Variants in GLRB observed in about 807,000 individuals in gnomAD.
GLRB encodes the protein glycine receptor subunit beta.
In GLRB, 33 loss-of-function variants were observed where a neutral mutation model predicts 54.2. The observed-to-expected ratio is 0.61, with a 90% confidence interval of 0.46 to 0.81. The LOEUF (loss-of-function observed/expected upper bound fraction) is 0.81, where lower values mean the gene tolerates loss of function less well. Among genes scored for constraint, GLRB ranks in the 40% least tolerant of loss-of-function variants. GLRB has a pLI of 0.00. For synonymous variants in GLRB, 209 were observed against 208.2 expected (o/e 1.00, Z -0.03); for missense variants, 572 against 584.6 (o/e 0.98, Z 0.22).
intron 7 of GLRB, among the ~76,000 whole-genome samples, chr4:157,141,644 A>T (rs1056210825): frequency 3.3e-5 from 5 of 152,038 alleles, no homozygotes; most frequent in African/African-American, 1.2e-4. Context: ...TTGCCCAATG[A>T]ACATTTATAT....
At chr4:157,150,362 T>TCA (rs1736974385) in intron 8 of GLRB, among the ~76,000 whole-genome samples, 5 of 151,438 alleles carry the variant, frequency 3.3e-5, no homozygotes, top group Non-Finnish European at 7.4e-5. Flanking sequence ...ATATCTGATA[T>TCA]GATAAAAGTC....
At chr4:157,078,224 A>T in intron 2 of GLRB, 78 bp downstream of exon 2, 1 of 1,590,482 alleles carries the variant, frequency 6.3e-7, no homozygotes. Flanking sequence ...GTTTATGAAG[A>T]CACACATCAA....
At chr4:157,109,470 C>T (rs2126503113) in intron 2 of GLRB, among the ~76,000 whole-genome samples, 1 of 152,062 alleles carries the variant, frequency 6.6e-6, no homozygotes, top group South Asian at 2.1e-4. Flanking sequence ...ACACTGTACT[C>T]TCCAGTAGAA....
rs1188097668 is a variant in GLRB, at chr4:157,171,719, T to G, written c.*991T>G. 1 of 151,950 alleles carries G rather than the reference T, an allele frequency of 6.6e-6. No homozygotes were observed. The highest frequency in any genetic ancestry group is 2.4e-5 in the African/African-American group (1 of 41,424). The allele number at this position is 151,950 out of a possible 1,614,324, so 9.4% of individuals were successfully genotyped here. A position where few individuals can be genotyped will look rare whatever the true frequency, so the allele number is the denominator to read the frequency against. ...AATTAAAAATGTTTACTGAATTTAT[T>G]TTTTTATTTGAATATTTTGGGATTA... On this transcript the variant is annotated 3_prime_UTR_variant, in exon 10 of 10. Transcript: ENST00000264428.
intron 8 of GLRB, among the ~76,000 whole-genome samples, chr4:157,148,381 G>A (rs78435042): frequency 1.2e-3 from 176 of 151,850 alleles, no homozygotes; most frequent in African/African-American, 3.8e-3. Context: ...TTGATTTTTA[G>A]CTATGTTTAT....
chr4:157,138,554 G>C, intron 6 of GLRB, among the ~76,000 whole-genome samples: 1 of 152,004 alleles, frequency 6.6e-6, no homozygotes, highest in East Asian at 1.9e-4. Flanking sequence ...TGTATATGAT[G>C]CCCTAGGATT....
Position 157,165,599 on chromosome 4 carries a change from A to G in GLRB, c.1198-4833A>G, listed in dbSNP as rs144304956. On this transcript the variant is annotated intron_variant, in intron 9 of 9. Coordinates refer to ENST00000264428, the MANE Select transcript of GLRB (RefSeq NM_000824.5). ...TATAATTTGTGGCCTGTATACAAAAACATGTTACCATGCCTATATAATTGT... is the reference window on the plus strand; with the variant it reads ...TATAATTTGTGGCCTGTATACAAAAGCATGTTACCATGCCTATATAATTGT... 9.7e-4 allele frequency among the ~76,000 whole-genome samples: 147 copies of G among 152,150 alleles called. 1 individual carries two copies. Among genetic ancestry groups the G allele is most frequent in the African/African-American group, 3.1e-3 (129 of 41,580 alleles).
Position 157,085,495 on chromosome 4 carries a change from G to T in GLRB, c.122+7349G>T, listed in dbSNP as rs189815339. On this transcript the variant is annotated intron_variant, in intron 2 of 9. Transcript: ENST00000264428. ...TATTATCCATCTTAACATGCCATCT[G>T]TATTTTCATCTTTTTTTTGGAGATG... 1.4e-4 allele frequency among the ~76,000 whole-genome samples: 21 copies of T among 152,038 alleles called. No homozygotes were observed. In the East Asian group the frequency reaches 3.9e-3, roughly 28 times the overall value.
chr4:157,162,086 T>C (rs186179551), intron 9 of GLRB, among the ~76,000 whole-genome samples: 4 of 152,354 alleles, frequency 2.6e-5, no homozygotes, highest in Non-Finnish European at 4.4e-5. Context: ...TCATTTGATC[T>C]TCAATCACTG....
chr4:157,155,814 GA>G (rs1340700159), intron 9 of GLRB, among the ~76,000 whole-genome samples: 1 of 152,134 alleles, frequency 6.6e-6, no homozygotes, highest in Non-Finnish European at 1.5e-5. Flanking sequence ...TCAGCTTGTT[GA>G]AAATATAGAT....
At position 157,138,822 on chromosome 4, in the gene GLRB, T is replaced by C. The variant is rs200824493; in HGVS notation, c.624T>C (p.Thr208=). ...TTTTGTTTATAGTTGGTTACACAAC[T>C]GATGATTTACGATTTATCTGGCAGT... ...KMQLESFGYT[T]DDLRFIWQSG... The change falls in exon 7 of 10, where the codon ACT becomes ACC. Residue 208 remains threonine (T), a synonymous_variant. Coordinates refer to ENST00000264428, the MANE Select transcript of GLRB (RefSeq NM_000824.5). 119 of 1,547,530 alleles carry C rather than the reference T, an allele frequency of 7.7e-5. No individual in the cohort carries two copies. The Middle Eastern group carries it at 1.1e-3, about 14-fold the overall frequency.
chr4:157,099,382 G>A (rs1734933186), intron 2 of GLRB, among the ~76,000 whole-genome samples: 1 of 151,512 alleles, frequency 6.6e-6, no homozygotes. Flanking sequence ...TGTCACCCAG[G>A]CTGGAGTACA....
Position 157,170,675 on chromosome 4 carries a change from T to C in GLRB, c.1441T>C (p.Phe481Leu), listed in dbSNP as rs372833520. The C allele has an allele frequency of 1.9e-6, 3 of 1,604,884 alleles. No individual in the cohort carries two copies. Among genetic ancestry groups the C allele is most frequent in the African/African-American group, 1.3e-5 (1 of 74,480 alleles). ...AATTGATCTTTATGCAAGAGCATTG[T>C]TTCCTTTCTGCTTCTTGTTCTTCAA... ...KRIDLYARAL[F>L]PFCFLFFNVI... Residue 481 changes from phenylalanine to leucine, a missense_variant, in exon 10 of 10, where the codon TTT becomes CTT. Coordinates refer to ENST00000264428, the MANE Select transcript of GLRB (RefSeq NM_000824.5).
intron 2 of GLRB, among the ~76,000 whole-genome samples, chr4:157,078,509 T>G (rs1734121029): frequency 6.6e-6 from 1 of 152,050 alleles, no homozygotes; most frequent in Non-Finnish European, 1.5e-5. Flanking sequence ...AAAAAGTTTT[T>G]TTTTAAAAAA....
chr4:157,156,012 C>A (rs1236260860), intron 9 of GLRB, among the ~76,000 whole-genome samples: 1 of 152,146 alleles, frequency 6.6e-6, no homozygotes, highest in Non-Finnish European at 1.5e-5. Flanking sequence ...TGCTAATGCT[C>A]AAGTCCCTTG....
At chr4:157,092,696 C>T (rs1204444418) in intron 2 of GLRB, among the ~76,000 whole-genome samples, 4 of 152,090 alleles carry the variant, frequency 2.6e-5, no homozygotes, top group Non-Finnish European at 5.9e-5. Context: ...GGGAGGCCAT[C>T]GACTTTTCAC....
intron 6 of GLRB, among the ~76,000 whole-genome samples, chr4:157,137,530 A>C (rs1236098410): frequency 1.3e-5 from 2 of 151,840 alleles, no homozygotes; most frequent in Non-Finnish European, 2.9e-5. Context: ...GAATACATGG[A>C]TCATCTTATA....
intron 4 of GLRB, among the ~76,000 whole-genome samples, chr4:157,127,219 TTTG>T (rs1467413114): frequency 6.6e-6 from 1 of 151,796 alleles, no homozygotes; most frequent in African/African-American, 2.4e-5. Context: ...ATATTTTGTT[TTTG>T]TTGTTAATTT....
intron 9 of GLRB, among the ~76,000 whole-genome samples, chr4:157,162,815 C>G (rs948071626): frequency 6.6e-6 from 1 of 152,184 alleles, no homozygotes; most frequent in Non-Finnish European, 1.5e-5. Flanking sequence ...TCTGTCCATT[C>G]TCAGATCTCA....
Sources: allele counts gnomAD v4.1 joint callset (sites outside exome capture counted in the v4.1 genomes callset), GRCh38; gene constraint gnomAD v4.1.1; transcripts MANE v1.5; gene names NCBI Gene and HGNC (gene_info 2026-07-23, HGNC 2026-07-21).